Variants in DLG2 observed in about 807,000 individuals in gnomAD.
DLG2 encodes discs large MAGUK scaffold protein 2, also known as disks large homolog 2.
DLG2 carries 45 observed loss-of-function variants against 132.5 expected under a neutral mutation model. The ratio of observed to expected loss-of-function variants is 0.34; its 90% CI spans 0.27 to 0.44. The LOEUF (loss-of-function observed/expected upper bound fraction) is 0.44, where lower values mean the gene tolerates loss of function less well. DLG2 is among the 20% of genes least tolerant of loss of function. The probability of loss-of-function intolerance (pLI) is 1.00; values close to 1 mark genes in which losing one functional copy is unlikely to be tolerated. For missense variants in DLG2, 1,045 were observed against 1,196.9 expected (o/e 0.87, Z 1.87); for synonymous variants, 424 against 419.6 (o/e 1.01, Z -0.13).
intron 11 of DLG2, among the ~76,000 whole-genome samples, chr11:84,006,545 T>C (rs1424824552): frequency 3.3e-5 from 5 of 151,596 alleles, no homozygotes; most frequent in Admixed American, 2.0e-4. Flanking sequence ...ATTTAATACT[T>C]AAGTATTTAC....
At chr11:84,103,105 A>G (rs2092658684) in intron 9 of DLG2, among the ~76,000 whole-genome samples, 1 of 152,150 alleles carries the variant, frequency 6.6e-6, no homozygotes, top group African/African-American at 2.4e-5. Flanking sequence ...GGGTCTGGCC[A>G]GTCATCATGG....
intron 3 of DLG2, among the ~76,000 whole-genome samples, chr11:85,434,382 G>A (rs2091360120): frequency 6.6e-6 from 1 of 150,906 alleles, no homozygotes; most frequent in Non-Finnish European, 1.5e-5. Context: ...ATGAATCCAG[G>A]GGCTGTTTTT....
chr11:84,353,329 C>G (rs1021310584), intron 7 of DLG2, among the ~76,000 whole-genome samples: 4 of 152,156 alleles, frequency 2.6e-5, no homozygotes, highest in Non-Finnish European at 5.9e-5. Context: ...CGCCTTCTTC[C>G]ACCTAAACTT....
chr11:85,527,260 T>C (rs962576012), intron 3 of DLG2, among the ~76,000 whole-genome samples: 5 of 151,966 alleles, frequency 3.3e-5, no homozygotes, highest in Admixed American at 2.0e-4. Flanking sequence ...ACATATGCTA[T>C]AGTGGTTTGC....
intron 3 of DLG2, among the ~76,000 whole-genome samples, chr11:85,584,671 G>A (rs996994244): frequency 4.0e-5 from 6 of 151,494 alleles, no homozygotes; most frequent in Non-Finnish European, 8.9e-5. Context: ...TCAACATCTG[G>A]TACTTTTTAA....
chr11:85,392,886 T>C (rs765883396), intron 3 of DLG2, among the ~76,000 whole-genome samples: 7 of 152,014 alleles, frequency 4.6e-5, no homozygotes, highest in Non-Finnish European at 8.8e-5. Context: ...GAAGATAACA[T>C]CGGAAAAACC....
intron 6 of DLG2, among the ~76,000 whole-genome samples, chr11:84,724,212 T>C (rs1055807109): frequency 2.0e-5 from 3 of 152,158 alleles, no homozygotes; most frequent in Admixed American, 6.5e-5. Flanking sequence ...TAAGATGAAA[T>C]AGGTATACTA....
At chr11:84,263,039 T>C (rs1309430578) in intron 7 of DLG2, among the ~76,000 whole-genome samples, 2 of 152,154 alleles carry the variant, frequency 1.3e-5, no homozygotes, top group Admixed American at 1.3e-4. Context: ...AATATAAAGA[T>C]GGCAGAACTA....
chr11:84,809,929 A>T (rs908629838), intron 6 of DLG2, among the ~76,000 whole-genome samples: 4 of 152,170 alleles, frequency 2.6e-5, no homozygotes, highest in Non-Finnish European at 4.4e-5. Context: ...GACATGCCCA[A>T]TTGGCTTTTG....
At chr11:85,498,743 G>A (rs915302725) in intron 3 of DLG2, among the ~76,000 whole-genome samples, 4 of 152,192 alleles carry the variant, frequency 2.6e-5, no homozygotes, top group Non-Finnish European at 5.9e-5. Flanking sequence ...TCAGACCACA[G>A]TGCAATCAAA....
chr11:85,546,538 G>T (rs1010280975), intron 3 of DLG2, among the ~76,000 whole-genome samples: 1 of 152,128 alleles, frequency 6.6e-6, no homozygotes, highest in Non-Finnish European at 1.5e-5. Context: ...TTCACGTCCT[G>T]GATATCCTTG....
At chr11:84,601,408 C>T (rs2099576312) in intron 6 of DLG2, among the ~76,000 whole-genome samples, 1 of 152,122 alleles carries the variant, frequency 6.6e-6, no homozygotes, top group Admixed American at 6.6e-5. Context: ...AAATGCAGTG[C>T]TTCCATGTAT....
intron 7 of DLG2, among the ~76,000 whole-genome samples, chr11:84,505,045 G>T (rs1278234604): frequency 6.6e-6 from 1 of 152,084 alleles, no homozygotes; most frequent in African/African-American, 2.4e-5. Context: ...TAGGAGCACT[G>T]GACTTGGATT....
intron 6 of DLG2, among the ~76,000 whole-genome samples, chr11:84,596,915 A>G (rs2099561280): frequency 1.3e-5 from 2 of 152,288 alleles, no homozygotes; most frequent in Admixed American, 1.3e-4. Context: ...TTCAGCAATG[A>G]TAATGACAGA....
At position 85,214,032 on chromosome 11, in the gene DLG2, C is replaced by T. The variant is rs575187382; in HGVS notation, c.187-59381G>A. Reference sequence around the variant, plus strand: ...TTACCTGCTCCTTTTGAATCTCCTCCTTCTCATTATAGTAGGTTAGTTCCA... The same window carrying T: ...TTACCTGCTCCTTTTGAATCTCCTCTTTCTCATTATAGTAGGTTAGTTCCA... On this transcript the variant is annotated intron_variant, in intron 4 of 27. Coordinates refer to ENST00000376104, the MANE Select transcript of DLG2 (RefSeq NM_001142699.3). Among the ~76,000 whole-genome samples, 4 of 152,234 alleles carry T rather than the reference C, an allele frequency of 2.6e-5. No individual in the cohort carries two copies. In the South Asian group the frequency reaches 6.2e-4, roughly 24 times the overall value.
intron 6 of DLG2, among the ~76,000 whole-genome samples, chr11:84,777,277 GTGTGTATATATATATATA>G (rs1311993678): frequency 2.0e-5 from 2 of 101,834 alleles, no homozygotes; most frequent in Non-Finnish European, 3.9e-5. Context: ...GTATATGTGT[GTGTGTATATATATATATA>G]TATATATATA....
At chr11:83,850,880 C>T (rs2059621690) in intron 16 of DLG2, among the ~76,000 whole-genome samples, 2 of 152,088 alleles carry the variant, frequency 1.3e-5, no homozygotes, top group Admixed American at 1.3e-4. Context: ...GTCTCCAACC[C>T]TAAAGAAATT....
At chr11:84,816,148 G>T (rs999625621) in intron 6 of DLG2, among the ~76,000 whole-genome samples, 2 of 151,982 alleles carry the variant, frequency 1.3e-5, no homozygotes, top group Non-Finnish European at 2.9e-5. Context: ...ACACCTTTTT[G>T]AGTTGCTCCA....
chr11:84,680,612 G>A (rs2099726530), intron 6 of DLG2, among the ~76,000 whole-genome samples: 1 of 152,088 alleles, frequency 6.6e-6, no homozygotes, highest in South Asian at 2.1e-4. Flanking sequence ...CTAATCTGAT[G>A]GGCTTGAAAT....
Sources: allele counts gnomAD v4.1 joint callset (sites outside exome capture counted in the v4.1 genomes callset), GRCh38; gene constraint gnomAD v4.1.1; transcripts MANE v1.5; gene names NCBI Gene and HGNC (gene_info 2026-07-23, HGNC 2026-07-21).